Variants in PTDSS2 observed in about 807,000 individuals in gnomAD.
The protein encoded by PTDSS2 is phosphatidylserine synthase 2.
PTDSS2 carries 41 observed loss-of-function variants against 64.7 expected under a neutral mutation model. That is an observed-to-expected ratio of 0.63 (90% CI 0.49 to 0.82). PTDSS2 has a LOEUF of 0.82. Ranked by LOEUF, PTDSS2 falls within the 40% of genes least tolerant of loss-of-function variation. The pLI, the probability that PTDSS2 is intolerant of heterozygous loss-of-function variation, is 0.00. For synonymous variants in PTDSS2, 297 were observed against 277.8 expected (o/e 1.07, Z -0.69); for missense variants, 485 against 650.0 (o/e 0.75, Z 2.76).
At chr11:475,455 G>A (rs796773595) in intron 3 of PTDSS2, among the ~76,000 whole-genome samples, 94 of 66,552 alleles carry the variant, frequency 1.4e-3, no homozygotes, top group African/African-American at 2.6e-3. Flanking sequence ...TGTGTGATAC[G>A]GATATATTCA....
intron 1 of PTDSS2, among the ~76,000 whole-genome samples, chr11:457,286 C>T (rs1846640351): frequency 6.6e-6 from 1 of 152,262 alleles, no homozygotes; most frequent in Admixed American, 6.5e-5. Flanking sequence ...CACGCTCACA[C>T]CAGAACATTC....
At chr11:488,097 T>A in intron 6 of PTDSS2, 102 bp from the exon 7 acceptor site, 1 of 817,732 alleles carries the variant, frequency 1.2e-6, no homozygotes, top group Non-Finnish European at 2.0e-6. Flanking sequence ...GTGGCCGGCG[T>A]CCCATACTCT....
chr11:465,001 C>T (rs977959851), intron 2 of PTDSS2, among the ~76,000 whole-genome samples: 7 of 152,154 alleles, frequency 4.6e-5, no homozygotes, highest in Admixed American at 2.6e-4. Flanking sequence ...CAGGCGCGCA[C>T]GACTGCAGGC....
chr11:452,564 C>T (rs1248855416), intron 1 of PTDSS2, among the ~76,000 whole-genome samples: 1 of 152,200 alleles, frequency 6.6e-6, no homozygotes, highest in Non-Finnish European at 1.5e-5. Flanking sequence ...GGAGGGCTCT[C>T]CAGGAGCGGG....
At chr11:473,758 T>G in intron 2 of PTDSS2, 137 bp from the exon 3 acceptor site, 1 of 707,036 alleles carries the variant, frequency 1.4e-6, no homozygotes. Context: ...GTCGCCCAGC[T>G]CTGCCCGAGG....
intron 2 of PTDSS2, among the ~76,000 whole-genome samples, chr11:467,484 G>C (rs570483286): frequency 6.6e-6 from 1 of 152,218 alleles, no homozygotes; most frequent in East Asian, 1.9e-4. Context: ...TGGGCTGGAC[G>C]TGGTGGTTCA....
chr11:456,051 T>C (rs1300519468), intron 1 of PTDSS2, among the ~76,000 whole-genome samples: 2 of 152,194 alleles, frequency 1.3e-5, no homozygotes, highest in Admixed American at 1.3e-4. Context: ...GAAGGTGCCC[T>C]GGCCCGGGGC....
At chr11:490,284 G>A in intron 11 of PTDSS2, 136 bp from the exon 12 acceptor site, 2 of 1,302,428 alleles carry the variant, frequency 1.5e-6, no homozygotes, top group Non-Finnish European at 2.2e-6. Context: ...TGCCACGGCT[G>A]CCGTCCCAGG....
chr11:486,248 A>G (rs1026005420), intron 4 of PTDSS2, among the ~76,000 whole-genome samples: 1 of 152,010 alleles, frequency 6.6e-6, no homozygotes, highest in Non-Finnish European at 1.5e-5. Context: ...CAGGTTCCAC[A>G]AGGGCGACTC....
At chr11:472,773 AATAG>A (rs1847531211) in intron 2 of PTDSS2, among the ~76,000 whole-genome samples, 1 of 152,242 alleles carries the variant, frequency 6.6e-6, no homozygotes, top group South Asian at 2.1e-4. Flanking sequence ...TGTCTTAAAA[AATAG>A]ATAGCGTGTC....
chr11:467,737 AATATAGATATAG>A (rs575918711), intron 2 of PTDSS2, among the ~76,000 whole-genome samples: 1 of 152,198 alleles, frequency 6.6e-6, no homozygotes, highest in East Asian at 1.9e-4. Context: ...TGTCTCAAAA[AATATAGATATAG>A]ATATAGATAG....
chr11:455,927 C>T (rs1459185992), intron 1 of PTDSS2, among the ~76,000 whole-genome samples: 1 of 152,172 alleles, frequency 6.6e-6, no homozygotes, highest in Non-Finnish European at 1.5e-5. Flanking sequence ...CAGGGAATGG[C>T]TGTGATGGCC....
At position 476,480 on chromosome 11, in the gene PTDSS2, C is replaced by T. The variant is rs974463897; in HGVS notation, c.367+2503C>T. Among the ~76,000 whole-genome samples the T allele has an allele frequency of 3.9e-5, 6 of 152,168 alleles. No individual in the cohort carries two copies. Among genetic ancestry groups the T allele is most frequent in the African/African-American group, 1.4e-4 (6 of 41,442 alleles). On this transcript the variant is annotated intron_variant, in intron 3 of 11. Transcript: ENST00000308020. The surrounding 1 kb of genome is among the most constrained non-coding windows in gnomAD (Gnocchi z 4.9). ...AGCTGCCGGAAGCTCAACCCATGGC[C>T]GTCCTTGCTTGGAGATGCACCAAAT...
chr11:451,040 C>T (rs1477648306), intron 1 of PTDSS2, among the ~76,000 whole-genome samples: 3 of 152,220 alleles, frequency 2.0e-5, no homozygotes, highest in African/African-American at 4.8e-5. Context: ...CCTGTGTCCC[C>T]CGTCATTCTG....
At chr11:453,219 A>G (rs564110908) in intron 1 of PTDSS2, among the ~76,000 whole-genome samples, 1 of 152,266 alleles carries the variant, frequency 6.6e-6, no homozygotes, top group South Asian at 2.1e-4. Flanking sequence ...TAGCAAGGAC[A>G]ATTATGGGGA....
chr11:470,806 T>TCTCGAACTCCTGAC lies in PTDSS2; in HGVS notation c.285-3086_285-3073dup, dbSNP rs1847391936. Among the ~76,000 whole-genome samples, 1 of 152,046 alleles carries TCTCGAACTCCTGAC rather than the reference T, an allele frequency of 6.6e-6. No individual in the cohort carries two copies. Among genetic ancestry groups the TCTCGAACTCCTGAC allele is most frequent in the East Asian group, 1.9e-4 (1 of 5,170 alleles). The stretch of plus-strand genomic sequence containing the variant: ...GGTTTCACCATGTTGGTCAGGCTGG[T>TCTCGAACTCCTGAC]CTCGAACTCCTGACCTTGTGATCCG... On this transcript the variant is annotated intron_variant, in intron 2 of 11. Transcript: ENST00000308020. This position sits in a 1 kb window ranked among gnomAD's most constrained non-coding sequence, Gnocchi z 5.3.
upstream of PTDSS2, among the ~76,000 whole-genome samples, chr11:449,738 G>C (rs1489209127): frequency 3.3e-5 from 5 of 152,310 alleles, no homozygotes; most frequent in Middle Eastern, 3.4e-3. Context: ...CACAAGGTCA[G>C]GAGTTCGAGA....
At chr11:468,769 G>C (rs1028696211) in intron 2 of PTDSS2, among the ~76,000 whole-genome samples, 1 of 151,690 alleles carries the variant, frequency 6.6e-6, no homozygotes, top group Non-Finnish European at 1.5e-5. Context: ...GAGGAGGAGG[G>C]GAGTCTCTGG....
chr11:480,205 C>T (rs1848005970), intron 4 of PTDSS2: 1 of 152,288 alleles, frequency 6.6e-6, no homozygotes, highest in Admixed American at 6.6e-5. Flanking sequence ...GGTGGGCAGC[C>T]TCTTCCCGCC....
Sources: allele counts gnomAD v4.1 joint callset (sites outside exome capture counted in the v4.1 genomes callset), GRCh38; gene constraint gnomAD v4.1.1; non-coding constraint Gnocchi (gnomAD v3.1); transcripts MANE v1.5; gene names NCBI Gene and HGNC (gene_info 2026-07-23, HGNC 2026-07-21).